Variants in ACACB observed in about 807,000 individuals in gnomAD.
The protein encoded by ACACB is acetyl-CoA carboxylase beta.
In ACACB, 209 loss-of-function variants were observed where a neutral mutation model predicts 278.8. The ratio of observed to expected loss-of-function variants is 0.75; its 90% CI spans 0.67 to 0.84. The LOEUF (loss-of-function observed/expected upper bound fraction) is 0.84, where lower values mean the gene tolerates loss of function less well. ACACB is among the 40% of genes least tolerant of loss of function. ACACB has a pLI of 0.00. For missense variants in ACACB, 2,850 were observed against 3,269.0 expected (o/e 0.87, Z 3.13); for synonymous variants, 1,174 against 1,285.6 (o/e 0.91, Z 1.86).
intron 4 of ACACB, among the ~76,000 whole-genome samples, chr12:109,168,366 TAAGTTTATTATAATGAATCATTCTATAA>T (rs2043991876): frequency 6.6e-6 from 1 of 152,256 alleles, no homozygotes; most frequent in Non-Finnish European, 1.5e-5. Flanking sequence ...TTCATTTGCC[TAAGTTTATTATAATGAATCATTCTATAA>T]ACAACTGTTG....
intron 28 of ACACB, among the ~76,000 whole-genome samples, chr12:109,229,190 G>A (rs536431365): frequency 3.9e-5 from 6 of 152,204 alleles, no homozygotes; most frequent in Admixed American, 6.5e-5. Flanking sequence ...TGATCCACCC[G>A]CCTTGGCCTC....
Position 109,197,158 on chromosome 12 carries a change from G to A in ACACB, c.2627+5G>A, listed in dbSNP as rs770396867. The A allele has an allele frequency of 7.5e-6, 12 of 1,601,344 alleles. No individual in the cohort carries two copies. The highest frequency in any genetic ancestry group is 4.0e-5 in the African/African-American group (3 of 74,120). On this transcript the variant is annotated splice_donor_5th_base_variant and intron_variant, in intron 17 of 52. Coordinates refer to ENST00000338432, the MANE Select transcript of ACACB (RefSeq NM_001093.4). Reference sequence around the variant, plus strand: ...CATGAAGGAAGAGGTTGACAGGTGCGTGGGGGTGCGAGTCCCACTGTGGGC... The same window carrying A: ...CATGAAGGAAGAGGTTGACAGGTGCATGGGGGTGCGAGTCCCACTGTGGGC...
At chr12:109,229,270 C>T (rs1344506007) in intron 28 of ACACB, among the ~76,000 whole-genome samples, 1 of 152,084 alleles carries the variant, frequency 6.6e-6, no homozygotes, top group Non-Finnish European at 1.5e-5. Context: ...CAGCTCTTAT[C>T]CTCTATCGGC....
rs754030553 is a variant in ACACB at position 109,197,061 on chromosome 12, C to T, written c.2535C>T (p.Ile845=). ...MFVLIMNGCH[I]EIDAHRLNDG... ...TTCTCATCATGAATGGCTGCCACAT[C>T]GAGATTGATGCCCACCGGCTGAATG... Residue 845 remains isoleucine (I), a synonymous_variant, in exon 17 of 53, where the codon ATC becomes ATT. Coordinates refer to ENST00000338432, the MANE Select transcript of ACACB (RefSeq NM_001093.4). The T allele has an allele frequency of 8.8e-6, 14 of 1,594,862 alleles. No individual in the cohort carries two copies. Among genetic ancestry groups the T allele is most frequent in the East Asian group, 4.6e-5 (2 of 43,346 alleles).
chr12:109,133,721 A>T (rs2042888446), intron 1 of ACACB, among the ~76,000 whole-genome samples: 1 of 151,424 alleles, frequency 6.6e-6, no homozygotes, highest in African/African-American at 2.4e-5. Flanking sequence ...CAAAACTGTC[A>T]TGGAGATACT....
intron 34 of ACACB, 75 bp downstream of exon 34, chr12:109,237,455 G>C (rs2046663560): frequency 6.9e-7 from 1 of 1,442,674 alleles, no homozygotes; most frequent in Middle Eastern, 2.0e-4. Flanking sequence ...TCTGTGCTGG[G>C]TCCTGGGCTG....
At chr12:109,217,446 C>T (rs115992948) in intron 24 of ACACB, among the ~76,000 whole-genome samples, 2,834 of 152,148 alleles carry the variant, frequency 0.019, 96 homozygotes, top group African/African-American at 0.066. Flanking sequence ...GTGGGAGGAT[C>T]ACTTGAGCCT....
intron 5 of ACACB, 130 bp downstream of exon 5, chr12:109,172,044 G>A (rs2044135826): frequency 2.4e-6 from 2 of 836,970 alleles, no homozygotes; most frequent in Admixed American, 2.5e-5. Flanking sequence ...CTGGGCTGAT[G>A]TAACACAGAA....
At chr12:109,116,155 A>G (rs1336941507), upstream of ACACB, among the ~76,000 whole-genome samples, 3 of 152,222 alleles carry the variant, frequency 2.0e-5, no homozygotes, top group East Asian at 5.8e-4. Context: ...GAAACATTCC[A>G]TTAAGTGGCG....
In ACACB at chr12:109,194,994, G is replaced by A. The variant is rs907967174; in HGVS notation, c.2481+1265G>A. 3.3e-5 allele frequency among the ~76,000 whole-genome samples: 5 copies of A among 152,058 alleles called. No individual in the cohort carries two copies. In the East Asian group the frequency reaches 5.8e-4, roughly 18 times the overall value. ...TACTGGAGTCCCTGGGGCTTATTCCGGTTGCTCTCCTCTGTCAGAAGTGCC... is the reference window on the plus strand; with the variant it reads ...TACTGGAGTCCCTGGGGCTTATTCCAGTTGCTCTCCTCTGTCAGAAGTGCC... On this transcript the variant is annotated intron_variant, in intron 16 of 52. Transcript: ENST00000338432.
intron 45 of ACACB, among the ~76,000 whole-genome samples, chr12:109,257,202 A>G (rs1046731056): frequency 2.0e-5 from 3 of 152,146 alleles, no homozygotes; most frequent in African/African-American, 7.2e-5. Context: ...TGAACCCAGA[A>G]GGTGGATGTT....
intron 4 of ACACB, among the ~76,000 whole-genome samples, chr12:109,171,223 C>A (rs112747989): frequency 3.1e-4 from 47 of 152,176 alleles, no homozygotes; most frequent in African/African-American, 1.1e-3. Context: ...AAAAACCCAC[C>A]TCTAATCCCA....
Position 109,253,062 on chromosome 12 carries a change from T to C in ACACB, c.5949T>C (p.Val1983=). 1 of 1,613,326 alleles carries C rather than the reference T, an allele frequency of 6.2e-7. No individual in the cohort carries two copies. The highest frequency in any genetic ancestry group is 8.5e-7 in the Non-Finnish European group (1 of 1,179,582). Residue 1983 remains valine, a synonymous_variant, in exon 43 of 53, where the codon GTT becomes GTC. Coordinates refer to ENST00000338432, the MANE Select transcript of ACACB (RefSeq NM_001093.4). ...VYTSNNQLGG[V]QIMHYNGVSH... is the part of the protein sequence containing the mutation. ...CATCCAACAACCAGCTGGGTGGCGTTCAGATCATGCATTACAATGGTGTCT... is the reference window on the plus strand; with the variant it reads ...CATCCAACAACCAGCTGGGTGGCGTCCAGATCATGCATTACAATGGTGTCT...
chr12:109,159,871 C>T (rs895566239), intron 2 of ACACB, among the ~76,000 whole-genome samples: 3 of 151,982 alleles, frequency 2.0e-5, no homozygotes, highest in East Asian at 1.9e-4. Context: ...GGGCAGATCA[C>T]CTGAGGTCAG....
rs148574060 is a variant in ACACB at position 109,227,761 on chromosome 12, G to A, written c.4001+272G>A. ...AAATGAATGCACATGGGCCAGGCGC[G>A]GTGGCTCATGCCTGTAATCCCAGCA... On this transcript the variant is annotated intron_variant, in intron 28 of 52. Coordinates refer to ENST00000338432, the MANE Select transcript of ACACB (RefSeq NM_001093.4). 4.6e-3 allele frequency among the ~76,000 whole-genome samples: 694 copies of A among 152,344 alleles called. 7 individuals are homozygous for A. The highest frequency in any genetic ancestry group is 0.016 in the African/African-American group (653 of 41,580).
chr12:109,138,720 GTGGTGCATGCCTGTAGCCCAAGCTACTCA>G (rs1187263786), intron 1 of ACACB, among the ~76,000 whole-genome samples: 1 of 152,196 alleles, frequency 6.6e-6, no homozygotes, highest in Non-Finnish European at 1.5e-5. Context: ...GCTAGGCATG[GTGGTGCATGCCTGTAGCCCAAGCTACTCA>G]GGAGGCTGAG....
At chr12:109,150,446 C>T (rs921368043) in intron 2 of ACACB, among the ~76,000 whole-genome samples, 6 of 152,102 alleles carry the variant, frequency 3.9e-5, no homozygotes, top group Admixed American at 1.3e-4. Context: ...TGAAGTGTCC[C>T]GATAAAAGGA....
At chr12:109,189,103 C>G (rs1464308977) in intron 13 of ACACB, among the ~76,000 whole-genome samples, 1 of 152,160 alleles carries the variant, frequency 6.6e-6, no homozygotes, top group African/African-American at 2.4e-5. Flanking sequence ...ATCTCCGACA[C>G]TTCTCCTGGC....
chr12:109,191,538 G>A lies in ACACB; in HGVS notation c.2145-75G>A, dbSNP rs2044882953. ...CACTCCTGTGCTTTTCCAGTTCTCTGAATCACATCATTGCAGCAACTCTGT... is the reference window on the plus strand; with the variant it reads ...CACTCCTGTGCTTTTCCAGTTCTCTAAATCACATCATTGCAGCAACTCTGT... On this transcript the variant is annotated intron_variant, in intron 13 of 52. Transcript: ENST00000338432. 13 of 1,575,874 alleles carry A rather than the reference G, an allele frequency of 8.2e-6. No individual in the cohort carries two copies. In the Admixed American group the frequency reaches 2.1e-4, roughly 25 times the overall value.
Sources: gnomAD v4.1 joint callset for allele counts (sites outside exome capture counted in the v4.1 genomes callset) on GRCh38, gnomAD v4.1.1 for gene constraint, MANE v1.5 for transcripts, NCBI Gene and HGNC (gene_info 2026-07-23, HGNC 2026-07-21) for gene names.